Variants in AIM2 observed in about 807,000 individuals in gnomAD.
The protein encoded by AIM2 is interferon-inducible protein AIM2.
In AIM2, 30 loss-of-function variants were observed where a neutral mutation model predicts 27.7. The observed-to-expected ratio is 1.08, with a 90% CI of 0.81 to 1.47. The LOEUF is 1.47. Ranked by LOEUF, AIM2 falls within the 40% of genes most tolerant of loss-of-function variation. The pLI is 0.00. For missense variants in AIM2, 358 were observed against 411.3 expected (o/e 0.87, Z 1.12); for synonymous variants, 141 against 145.3 (o/e 0.97, Z 0.21).
chr1:159,099,265 A>G (rs1657263095), intron 1 of AIM2, among the ~76,000 whole-genome samples: 1 of 152,200 alleles, frequency 6.6e-6, no homozygotes, highest in African/African-American at 2.4e-5. Flanking sequence ...ACAACTGGCC[A>G]CAGGATTGAA....
chr1:159,089,969 A>G (rs568980678), intron 1 of AIM2, among the ~76,000 whole-genome samples: 6 of 152,168 alleles, frequency 3.9e-5, no homozygotes, highest in African/African-American at 1.4e-4. Flanking sequence ...GGACTGCCCT[A>G]TGCTGAAGGG....
chr1:159,126,241 G>T (rs553980698), intron 1 of AIM2, among the ~76,000 whole-genome samples: 2 of 152,298 alleles, frequency 1.3e-5, no homozygotes, highest in African/African-American at 4.8e-5. Context: ...TGGCCTGGGA[G>T]TCTCCACCCA....
chr1:159,096,213 T>C (rs981867024), intron 1 of AIM2, among the ~76,000 whole-genome samples: 6 of 152,316 alleles, frequency 3.9e-5, no homozygotes, highest in East Asian at 3.9e-4. Context: ...CTTTGTGTAG[T>C]AGAAAAAGCA....
chr1:159,102,380 G>A (rs1475022627), intron 1 of AIM2, among the ~76,000 whole-genome samples: 1 of 152,244 alleles, frequency 6.6e-6, no homozygotes, highest in Non-Finnish European at 1.5e-5. Context: ...CTCTGCTAGG[G>A]CAGTGTGGAA....
chr1:159,097,117 G>A (rs1003825743), intron 1 of AIM2, among the ~76,000 whole-genome samples: 2 of 151,950 alleles, frequency 1.3e-5, no homozygotes, highest in Non-Finnish European at 2.9e-5. Context: ...TCTGAATTCT[G>A]CCCCAGTCTC....
chr1:159,063,169 A>C (rs1168474789), intron 5 of AIM2, among the ~76,000 whole-genome samples: 1 of 152,186 alleles, frequency 6.6e-6, no homozygotes, highest in Non-Finnish European at 1.5e-5. Flanking sequence ...ACTTTCAAAG[A>C]CATTAGTCAG....
chr1:159,121,466 C>T (rs573930628), intron 1 of AIM2, among the ~76,000 whole-genome samples: 6 of 152,162 alleles, frequency 3.9e-5, no homozygotes, highest in Admixed American at 3.9e-4. Flanking sequence ...GTTTGACGTG[C>T]TTTTGTAAGC....
At chr1:159,057,126 C>G in the AIM2 span, among the ~76,000 whole-genome samples, 127 of 152,250 alleles carry the variant, frequency 8.3e-4, no homozygotes, top group Non-Finnish European at 1.5e-3. Context: ...CTCACATCCC[C>G]AAGTCCCAGC....
chr1:159,078,466 C>T (rs549355348), upstream of AIM2, among the ~76,000 whole-genome samples: 11 of 152,318 alleles, frequency 7.2e-5, no homozygotes, highest in East Asian at 1.9e-3. Flanking sequence ...TGGTAACCTA[C>T]TGAGTAAACG....
At chr1:159,073,544 G>T in intron 1 of AIM2, 25 bp from the exon 2 acceptor site, 2 of 1,573,752 alleles carry the variant, frequency 1.3e-6, no homozygotes. Context: ...AAACATGTAA[G>T]ATTACACCAC....
intron 4 of AIM2, among the ~76,000 whole-genome samples, chr1:159,065,138 C>T (rs1208640205): frequency 6.6e-6 from 1 of 152,172 alleles, no homozygotes; most frequent in Non-Finnish European, 1.5e-5. Flanking sequence ...GCAGGGGCAG[C>T]AGGTTCTCTC....
chr1:159,063,464 C>T (rs1310290492), intron 5 of AIM2, 22 bp downstream of exon 5: 1 of 1,595,070 alleles, frequency 6.3e-7, no homozygotes, highest in Admixed American at 1.8e-5. Context: ...GGAGAGTTGA[C>T]TTTGTTCCAT....
At chr1:159,105,676 C>T (rs560177944) in intron 1 of AIM2, among the ~76,000 whole-genome samples, 59 of 152,234 alleles carry the variant, frequency 3.9e-4, no homozygotes, top group African/African-American at 1.4e-3. Flanking sequence ...TCTGGAGGCA[C>T]GTCATCCTGA....
At chr1:159,069,626 T>G (rs182781266) in intron 2 of AIM2, among the ~76,000 whole-genome samples, 23 of 151,732 alleles carry the variant, frequency 1.5e-4, no homozygotes, top group African/African-American at 5.3e-4. Flanking sequence ...CACTGCAACC[T>G]CTGCCTCCTG....
chr1:159,063,794 C>G, intron 4 of AIM2, 120 bp from the exon 5 acceptor site: 2 of 1,070,046 alleles, frequency 1.9e-6, no homozygotes, highest in Non-Finnish European at 2.7e-6. Context: ...TTGAACAACA[C>G]AGATTTTACC....
At chr1:159,141,594 G>C (rs1648111416), upstream of AIM2, among the ~76,000 whole-genome samples, 1 of 152,048 alleles carries the variant, frequency 6.6e-6, no homozygotes, top group Non-Finnish European at 1.5e-5. Flanking sequence ...AAATAAAAGA[G>C]GCACCTGCCA....
At chr1:159,140,110 T>C (rs1648082541) in intron 1 of AIM2, among the ~76,000 whole-genome samples, 2 of 151,958 alleles carry the variant, frequency 1.3e-5, no homozygotes, top group South Asian at 4.1e-4. Context: ...AGCAAAAATA[T>C]CTAGGATAGG....
At chr1:159,100,372 A>C (rs1657286454) in intron 1 of AIM2, among the ~76,000 whole-genome samples, 1 of 152,200 alleles carries the variant, frequency 6.6e-6, no homozygotes. Context: ...TGTAATATCT[A>C]ATACATCAAA....
intron 1 of AIM2, among the ~76,000 whole-genome samples, chr1:159,135,354 T>C (rs560968697): frequency 2.6e-5 from 4 of 152,332 alleles, no homozygotes; most frequent in Admixed American, 6.5e-5. Flanking sequence ...GGATCCCATA[T>C]GTGGGGCATG....
Sources: gnomAD v4.1 joint callset for allele counts (sites outside exome capture counted in the v4.1 genomes callset) on GRCh38, gnomAD v4.1.1 for gene constraint, MANE v1.5 for transcripts, NCBI Gene and HGNC (gene_info 2026-07-23, HGNC 2026-07-21) for gene names.